The following LRRC31 variants were observed in gnomAD, a reference collection of about 807,000 sequenced individuals.
LRRC31 encodes the protein leucine rich repeat containing 31.
In LRRC31, 35 loss-of-function variants were observed where a neutral mutation model predicts 46.7. That is an observed-to-expected ratio of 0.75 (90% CI 0.57 to 0.99). The LOEUF (loss-of-function observed/expected upper bound fraction) is 0.99. LRRC31 is among the 50% of genes least tolerant of loss of function. The pLI, the probability that LRRC31 is intolerant of heterozygous loss-of-function variation, is 0.00. For missense variants in LRRC31, 613 were observed against 626.1 expected (o/e 0.98, Z 0.22); for synonymous variants, 236 against 235.1 (o/e 1.00, Z -0.03).
Position 169,860,733 on chromosome 3 carries a change from A to T in LRRC31, c.320-5T>A, listed in dbSNP as rs779285921. ...GGAGAAAAGGCAGCAAGGCAACTAG[A>T]AGTGAACAGAAGAAAATACAGATAT... On this transcript the variant is annotated splice_polypyrimidine_tract_variant and splice_region_variant and intron_variant, in intron 2 of 8. Transcript: ENST00000316428. 6.2e-7 allele frequency: 1 copy of T among 1,613,116 alleles called. No individual in the cohort carries two copies. Among genetic ancestry groups the T allele is most frequent in the Non-Finnish European group, 8.5e-7 (1 of 1,179,196 alleles).
intron 3 of LRRC31, among the ~76,000 whole-genome samples, chr3:169,859,001 C>A (rs1239166561): frequency 9.2e-5 from 6 of 65,284 alleles, no homozygotes; most frequent in East Asian, 5.1e-4. Flanking sequence ...AATGAAACGC[C>A]ATCTCAAAAA....
rs117557807 is a variant in LRRC31 at position 169,856,649 on chromosome 3, C to A, written c.655+56G>T. 2.6e-3 allele frequency: 3,895 copies of A among 1,492,762 alleles called. 176 individuals are homozygous for A. The East Asian group carries it at 0.078, about 30-fold the overall frequency. 92.5% of individuals were successfully genotyped at this position (1,492,762 alleles called of 1,614,324 possible). A position where few individuals can be genotyped will look rare whatever the true frequency, so the allele number is the denominator to read the frequency against. The stretch of plus-strand genomic sequence containing the variant: ...AATAAGACAAAACACAGCAAACTTC[C>A]CAAGCTATCCAGTGGGCATCTTCAC... On this transcript the variant is annotated intron_variant, in intron 4 of 8. Coordinates refer to ENST00000316428, the MANE Select transcript of LRRC31 (RefSeq NM_024727.4).
At chr3:169,864,597 T>A (rs1293393263) in intron 1 of LRRC31, among the ~76,000 whole-genome samples, 1 of 152,226 alleles carries the variant, frequency 6.6e-6, no homozygotes, top group Non-Finnish European at 1.5e-5. Flanking sequence ...ACCTGAGAGG[T>A]ATTTGGTAAA....
At chr3:169,851,895 C>G in intron 6 of LRRC31, 109 bp from the exon 7 acceptor site, 2 of 1,080,924 alleles carry the variant, frequency 1.9e-6, no homozygotes, top group Non-Finnish European at 2.7e-6. Flanking sequence ...CAGCTCTCCC[C>G]ACCCCGGCCC....
At chr3:169,858,775 G>A (rs193251504) in intron 3 of LRRC31, among the ~76,000 whole-genome samples, 29 of 152,094 alleles carry the variant, frequency 1.9e-4, no homozygotes, top group African/African-American at 6.0e-4. Flanking sequence ...AGGCCAAGGC[G>A]GGCAGATCAC....
At chr3:169,867,377 C>T (rs1433219819) in intron 1 of LRRC31, among the ~76,000 whole-genome samples, 1 of 151,676 alleles carries the variant, frequency 6.6e-6, no homozygotes, top group Non-Finnish European at 1.5e-5. Flanking sequence ...CCTGCCTCAG[C>T]CTCCCGAGTA....
intron 1 of LRRC31, among the ~76,000 whole-genome samples, chr3:169,868,645 A>C (rs1376400906): frequency 6.6e-6 from 1 of 152,240 alleles, no homozygotes; most frequent in Non-Finnish European, 1.5e-5. Flanking sequence ...AATCTTAAAG[A>C]AATGATCGTT....
At chr3:169,844,556 T>C (rs1780546185) in intron 8 of LRRC31, among the ~76,000 whole-genome samples, 1 of 152,172 alleles carries the variant, frequency 6.6e-6, no homozygotes, top group South Asian at 2.1e-4. Flanking sequence ...AAGAATGCTC[T>C]CATCTCATTC....
chr3:169,853,513 G>A lies in LRRC31; in HGVS notation c.991+1300C>T, dbSNP rs561803604. The A allele has an allele frequency of 9.1e-6, 9 of 985,754 alleles. No individual in the cohort carries two copies. The African/African-American group carries it at 1.4e-4, about 15-fold the overall frequency. The allele number at this position is 985,754 out of a possible 1,614,324, so 61.1% of individuals were successfully genotyped here. ...GTTCTCCAGCACTGAGGAGCAAAATGAGATGTGGTATTCATGTTATTTAGT... is the reference window on the plus strand; with the variant it reads ...GTTCTCCAGCACTGAGGAGCAAAATAAGATGTGGTATTCATGTTATTTAGT... On this transcript the variant is annotated intron_variant, in intron 6 of 8. Coordinates refer to ENST00000316428, the MANE Select transcript of LRRC31 (RefSeq NM_024727.4).
chr3:169,844,634 G>C (rs1300624306), intron 8 of LRRC31, among the ~76,000 whole-genome samples: 2 of 152,050 alleles, frequency 1.3e-5, no homozygotes, highest in Non-Finnish European at 2.9e-5. Context: ...CAGAGATAAA[G>C]AAATAAATCT....
intron 6 of LRRC31, among the ~76,000 whole-genome samples, chr3:169,852,326 C>T (rs1446830607): frequency 2.0e-5 from 3 of 150,052 alleles, no homozygotes; most frequent in Non-Finnish European, 4.4e-5. Flanking sequence ...TGGCGTGAAC[C>T]CGGGAGGCGG....
At position 169,839,696 on chromosome 3, in the gene LRRC31, G is replaced by GA. The variant is rs927742404; in HGVS notation, c.*285dup. The GA allele has an allele frequency of 6.5e-6, 1 of 153,038 alleles. No homozygotes were observed. Among genetic ancestry groups the GA allele is most frequent in the African/African-American group, 2.4e-5 (1 of 41,190 alleles). 9.5% of individuals were successfully genotyped at this position (153,038 alleles called of 1,614,324 possible). On this transcript the variant is annotated 3_prime_UTR_variant, in exon 9 of 9. Transcript: ENST00000316428. ...ATTATATATCCAAAACAAATCCATT[G>GA]AAAAATGCCATTTTTGTTTCATAGA...
chr3:169,844,832 T>C (rs754200879), intron 8 of LRRC31, among the ~76,000 whole-genome samples: 6 of 149,992 alleles, frequency 4.0e-5, no homozygotes, highest in Non-Finnish European at 8.8e-5. Flanking sequence ...CTCAGCAGGC[T>C]GAGGCAGGAG....
chr3:169,861,216 C>T (rs1042711251), intron 2 of LRRC31, among the ~76,000 whole-genome samples: 1 of 151,128 alleles, frequency 6.6e-6, no homozygotes, highest in African/African-American at 2.4e-5. Context: ...TTACAGGCAC[C>T]CGCCACCACG....
At chr3:169,853,351 A>G in intron 6 of LRRC31, 1 of 985,404 alleles carries the variant, frequency 1.0e-6, no homozygotes, top group African/African-American at 1.7e-5. Context: ...TTTCAGAATT[A>G]AGCAGAAGGA....
chr3:169,855,542 T>A (rs1780915902), intron 5 of LRRC31, among the ~76,000 whole-genome samples: 1 of 152,214 alleles, frequency 6.6e-6, no homozygotes, highest in South Asian at 2.1e-4. Flanking sequence ...ATTTTTAGAC[T>A]TATTCAAGCT....
In LRRC31 at chr3:169,856,347, A is replaced by C. The variant is rs1178544096; in HGVS notation, c.812T>G (p.Val271Gly). 1 of 1,570,476 alleles carries C rather than the reference A, an allele frequency of 6.4e-7. No homozygotes were observed. The highest frequency in any genetic ancestry group is 8.6e-7 in the Non-Finnish European group (1 of 1,158,316). ...LHSCGLSQKS[V>G]KILDAAFRYL... ...CATTGTTAACTCACCCAATATTTTG[A>C]CACTCTTTTGTGATAATCCACATGA... The change falls in exon 5 of 9, where the codon GTC becomes GGC. Residue 271 changes from valine to glycine, a missense_variant. Val to Gly is a moderately radical substitution (Grantham distance 109). Coordinates refer to ENST00000316428, the MANE Select transcript of LRRC31 (RefSeq NM_024727.4).
chr3:169,866,579 T>C (rs551581704), intron 1 of LRRC31, among the ~76,000 whole-genome samples: 85 of 152,332 alleles, frequency 5.6e-4, no homozygotes, highest in African/African-American at 2.0e-3. Context: ...TTAAAATACA[T>C]TTAATCTACT....
chr3:169,856,883 A>C lies in LRRC31; in HGVS notation c.488-11T>G, dbSNP rs756813126. 1.3e-6 allele frequency: 2 copies of C among 1,594,002 alleles called. No homozygotes were observed. Among genetic ancestry groups the C allele is most frequent in the Non-Finnish European group, 1.7e-6 (2 of 1,169,762 alleles). On this transcript the variant is annotated splice_polypyrimidine_tract_variant and intron_variant, in intron 3 of 8. Coordinates refer to ENST00000316428, the MANE Select transcript of LRRC31 (RefSeq NM_024727.4). Reference sequence around the variant, plus strand: ...TCTCAAATGCTTCTCCTGTTAACAAATGGCCCGAAAATTCTGTTGGTCACT... The same window carrying C: ...TCTCAAATGCTTCTCCTGTTAACAACTGGCCCGAAAATTCTGTTGGTCACT...
Sources: allele counts gnomAD v4.1 joint callset (sites outside exome capture counted in the v4.1 genomes callset), GRCh38; gene constraint gnomAD v4.1.1; transcripts MANE v1.5; gene names NCBI Gene and HGNC (gene_info 2026-07-23, HGNC 2026-07-21).